The following PRKCE variants were observed in gnomAD, a reference collection of about 807,000 sequenced individuals.
PRKCE encodes the protein protein kinase C epsilon type.
In PRKCE, 16 loss-of-function variants were observed where a neutral mutation model predicts 85.4. That is an observed-to-expected ratio of 0.19 (90% CI 0.13 to 0.28). The LOEUF (loss-of-function observed/expected upper bound fraction) is 0.28. PRKCE is among the 10% of genes least tolerant of loss of function. The pLI is 1.00. For synonymous variants in PRKCE, 388 were observed against 371.5 expected (o/e 1.04, Z -0.51); for missense variants, 573 against 975.2 (o/e 0.59, Z 5.49).
chr2:45,801,189 C>T (rs1475040296), intron 1 of PRKCE, among the ~76,000 whole-genome samples: 8 of 151,996 alleles, frequency 5.3e-5, no homozygotes, highest in South Asian at 4.2e-4. Flanking sequence ...GACTGATGGC[C>T]GCGCTCAGGA....
intron 1 of PRKCE, among the ~76,000 whole-genome samples, chr2:45,658,145 A>G (rs1469943321): frequency 6.6e-6 from 1 of 152,160 alleles, no homozygotes; most frequent in Non-Finnish European, 1.5e-5. Context: ...GCAATTGTCC[A>G]TACCTCCTTC....
intron 9 of PRKCE, among the ~76,000 whole-genome samples, chr2:46,007,934 A>G (rs1705348821): frequency 2.6e-5 from 4 of 152,252 alleles, no homozygotes; most frequent in Admixed American, 2.6e-4. Context: ...GTGAGATGGT[A>G]GATGAGAAAG....
chr2:46,016,527 G>T (rs569504875), intron 10 of PRKCE, among the ~76,000 whole-genome samples: 1 of 152,276 alleles, frequency 6.6e-6, no homozygotes, highest in East Asian at 1.9e-4. Context: ...AGAAGGATGT[G>T]TTGGCTCTTA....
chr2:45,653,626 A>G (rs1675248591), intron 1 of PRKCE, among the ~76,000 whole-genome samples: 5 of 152,124 alleles, frequency 3.3e-5, no homozygotes. Context: ...GAGGTTGCAC[A>G]TGGATCACTT....
chr2:45,655,468 T>G (rs547941217), intron 1 of PRKCE, among the ~76,000 whole-genome samples: 2 of 152,234 alleles, frequency 1.3e-5, no homozygotes, highest in South Asian at 4.1e-4. Flanking sequence ...GACACCCTGA[T>G]GTAGACACTT....
intron 1 of PRKCE, among the ~76,000 whole-genome samples, chr2:45,723,838 C>T (rs1408466106): frequency 6.6e-6 from 1 of 152,106 alleles, no homozygotes; most frequent in Non-Finnish European, 1.5e-5. Context: ...CTCCTGACCT[C>T]GTGATCTGCC....
At position 45,654,542 on chromosome 2, in the gene PRKCE, C is replaced by A. The variant is rs367696531; in HGVS notation, c.348+2094C>A. On this transcript the variant is annotated intron_variant, in intron 1 of 14. Transcript: ENST00000306156. Reference sequence around the variant, plus strand: ...GCCCATGGCTTGTCTGATGGGGAGCCGAGCCTGCCCATCTGGCCTCCCAGC... The same window carrying A: ...GCCCATGGCTTGTCTGATGGGGAGCAGAGCCTGCCCATCTGGCCTCCCAGC... 1.7e-4 allele frequency among the ~76,000 whole-genome samples: 26 copies of A among 152,328 alleles called. 1 individual carries two copies. In the South Asian group the frequency reaches 5.4e-3, roughly 32 times the overall value.
intron 10 of PRKCE, among the ~76,000 whole-genome samples, chr2:46,063,839 A>T (rs1034176906): frequency 6.6e-6 from 1 of 152,214 alleles, no homozygotes; most frequent in Non-Finnish European, 1.5e-5. Flanking sequence ...TAAGATACAG[A>T]TTATTCAATA....
At chr2:46,002,201 G>A (rs551434054) in intron 7 of PRKCE, among the ~76,000 whole-genome samples, 1 of 152,206 alleles carries the variant, frequency 6.6e-6, no homozygotes, top group Non-Finnish European at 1.5e-5. Flanking sequence ...CATTTCATTT[G>A]TAGGCTCTTC....
rs1192969758 is a variant in PRKCE at position 46,184,002 on chromosome 2, A to G, written c.2068-733A>G. On this transcript the variant is annotated intron_variant, in intron 14 of 14. Coordinates refer to ENST00000306156, the MANE Select transcript of PRKCE (RefSeq NM_005400.3). The surrounding 1 kb of genome is among the most constrained non-coding windows in gnomAD (Gnocchi z 5.0). ...ACACAGTTGTACCTTGGGAACTTCA[A>G]CCCAGAGGTATGGGTCCTTCAGAGC... 6.6e-6 allele frequency among the ~76,000 whole-genome samples: 1 copy of G among 152,078 alleles called. No homozygotes were observed. The highest frequency in any genetic ancestry group is 1.5e-5 in the Non-Finnish European group (1 of 68,020).
rs149215985 is a variant in PRKCE, at chr2:45,918,329, C to G, written c.413-58100C>G. Reference sequence around the variant, plus strand: ...AAGGGTGGGGACTGTGTAATGTAGGCTTTAGCTTTCTCTTGTCTAGTCTGT... The same window carrying G: ...AAGGGTGGGGACTGTGTAATGTAGGGTTTAGCTTTCTCTTGTCTAGTCTGT... On this transcript the variant is annotated intron_variant, in intron 2 of 14. Coordinates refer to ENST00000306156, the MANE Select transcript of PRKCE (RefSeq NM_005400.3). Among the ~76,000 whole-genome samples the G allele has an allele frequency of 2.3e-3, 345 of 152,348 alleles. 2 individuals are homozygous for G. Among genetic ancestry groups the G allele is most frequent in the African/African-American group, 7.1e-3 (296 of 41,586 alleles).
At chr2:45,928,471 G>T (rs1038733880) in intron 2 of PRKCE, among the ~76,000 whole-genome samples, 2 of 152,168 alleles carry the variant, frequency 1.3e-5, no homozygotes, top group African/African-American at 4.8e-5. Context: ...GTTTCGTCAT[G>T]TTGCCCAGAC....
intron 10 of PRKCE, among the ~76,000 whole-genome samples, chr2:46,060,307 C>G (rs1249988413): frequency 3.6e-5 from 5 of 139,020 alleles, no homozygotes; most frequent in Non-Finnish European, 7.8e-5. Flanking sequence ...CTCCATACGT[C>G]AGGTCAGACA....
intron 1 of PRKCE, among the ~76,000 whole-genome samples, chr2:45,673,354 C>T (rs914987889): frequency 6.6e-6 from 1 of 152,160 alleles, no homozygotes; most frequent in Non-Finnish European, 1.5e-5. Context: ...TGAAGCTAAA[C>T]ATTTATTGCA....
chr2:46,056,439 G>A (rs1328140564), intron 10 of PRKCE, among the ~76,000 whole-genome samples: 3 of 151,998 alleles, frequency 2.0e-5, no homozygotes, highest in Non-Finnish European at 4.4e-5. Flanking sequence ...TCCTAACAGG[G>A]GCTTTCCAAT....
intron 1 of PRKCE, among the ~76,000 whole-genome samples, chr2:45,717,034 G>C (rs1218099927): frequency 3.2e-5 from 2 of 62,988 alleles, no homozygotes; most frequent in Non-Finnish European, 5.8e-5. Context: ...GGGGATTATG[G>C]GTACTACAAG....
intron 1 of PRKCE, among the ~76,000 whole-genome samples, chr2:45,761,883 C>T (rs911181949): frequency 2.0e-5 from 3 of 152,162 alleles, no homozygotes; most frequent in Non-Finnish European, 2.9e-5. Flanking sequence ...TTCCAAGAAT[C>T]ATAAAAGCAG....
chr2:45,739,507 C>G (rs1477515436), intron 1 of PRKCE, among the ~76,000 whole-genome samples: 1 of 152,148 alleles, frequency 6.6e-6, no homozygotes, highest in Admixed American at 6.5e-5. Flanking sequence ...CATCTAATGT[C>G]CAGTCTCTTA....
In PRKCE at chr2:45,911,413, G is replaced by A. The variant is rs184712560; in HGVS notation, c.413-65016G>A. ...TGCTGCATTATGCATGCAGAGCATT[G>A]CAGAGTCTCTTGAGGGTCCAAAAAT... On this transcript the variant is annotated intron_variant, in intron 2 of 14. Transcript: ENST00000306156. Among the ~76,000 whole-genome samples the A allele has an allele frequency of 2.0e-3, 299 of 152,352 alleles. 1 individual carries two copies. The highest frequency in any genetic ancestry group is 7.0e-3 in the African/African-American group (290 of 41,592).
Sources: allele counts gnomAD v4.1 joint callset (sites outside exome capture counted in the v4.1 genomes callset), GRCh38; gene constraint gnomAD v4.1.1; non-coding constraint Gnocchi (gnomAD v3.1); transcripts MANE v1.5; gene names NCBI Gene and HGNC (gene_info 2026-07-23, HGNC 2026-07-21).